The following TRIP10 variants were observed in gnomAD, a reference collection of about 807,000 sequenced individuals.
TRIP10 encodes cdc42-interacting protein 4.
A neutral mutation model predicts 80.9 loss-of-function variants in TRIP10; 54 were observed. The ratio of observed to expected loss-of-function variants is 0.67; its 90% confidence interval spans 0.54 to 0.84. TRIP10 has a LOEUF of 0.84. TRIP10 is among the 40% of genes least tolerant of loss of function. The pLI, the probability that TRIP10 is intolerant of heterozygous loss-of-function variation, is 0.00. For synonymous variants in TRIP10, 321 were observed against 307.2 expected (o/e 1.04, Z -0.47); for missense variants, 773 against 815.3 (o/e 0.95, Z 0.63).
chr19:6,749,913 A>G (rs1208314752), intron 11 of TRIP10, 21 bp from the exon 12 acceptor site: 12 of 1,611,026 alleles, frequency 7.4e-6, no homozygotes, highest in Admixed American at 6.7e-5. Context: ...TTTCCTGTCT[A>G]TCCTGTCTCC....
rs370745717 is a variant in TRIP10, at chr19:6,744,524, C to T, written c.643-30C>T. 9 of 1,613,344 alleles carry T rather than the reference C, an allele frequency of 5.6e-6. No homozygotes were observed. Among genetic ancestry groups the T allele is most frequent in the East Asian group, 4.5e-5 (2 of 44,886 alleles). ...TGCTTCTAGTCCCTCTGTTAGCACC[C>T]CTGAGCCACCCTTGTCCCTGTCCTT... On this transcript the variant is annotated intron_variant, in intron 7 of 14. Transcript: ENST00000313244. The surrounding 1 kb of genome is among the most constrained non-coding windows in gnomAD (Gnocchi z 4.9).
Position 6,749,998 on chromosome 19 carries a change from T to G in TRIP10, c.1327T>G (p.Leu443Val). Residue 443 changes from leucine (L) to valine (V), a missense_variant, in exon 12 of 15, where the codon TTG (leucine) becomes GTG (valine). Coordinates refer to ENST00000313244, the MANE Select transcript of TRIP10 (RefSeq NM_001288962.2). ...ACCTCAGATGGGGGACCCCGCCAGCTTGGAGCCCCAGATCGCTGAAACCCT... is the reference window on the plus strand; with the variant it reads ...ACCTCAGATGGGGGACCCCGCCAGCGTGGAGCCCCAGATCGCTGAAACCCT... The part of the protein sequence containing the change: ...KTPQMGDPAS[L>V]EPQIAETLSN... 1 of 1,613,870 alleles carries G rather than the reference T, an allele frequency of 6.2e-7. No individual in the cohort carries two copies. The highest frequency in any genetic ancestry group is 8.5e-7 in the Non-Finnish European group (1 of 1,179,964).
chr19:6,742,897 G>A (rs1176157136), intron 3 of TRIP10, 70 bp from the exon 4 acceptor site: 26 of 1,582,698 alleles, frequency 1.6e-5, no homozygotes, highest in South Asian at 7.0e-5. Flanking sequence ...CTGGAGGTGC[G>A]TCCTGGGGCA....
chr19:6,741,126 G>C lies in TRIP10; in HGVS notation c.140+1G>C. 6.2e-7 allele frequency: 1 copy of C among 1,614,196 alleles called. No homozygotes were observed. The highest frequency in any genetic ancestry group is 8.5e-7 in the Non-Finnish European group (1 of 1,180,010). On this transcript the variant is annotated splice_donor_variant, in intron 2 of 14. Coordinates refer to ENST00000313244, the MANE Select transcript of TRIP10 (RefSeq NM_001288962.2). LOFTEE classifies it high-confidence loss of function. ...AACAGGCTTACGCCAAACAACTGCG[G>C]TGAGACCCTGGGGTGGACGCTACGG...
At chr19:6,740,891 C>T (rs1968896499) in intron 1 of TRIP10, 119 bp from the exon 2 acceptor site, 6 of 851,258 alleles carry the variant, frequency 7.0e-6, no homozygotes, top group Admixed American at 2.7e-5. Flanking sequence ...GCCGGGAAGC[C>T]ACTCCTTCTA....
At chr19:6,741,321 A>C in intron 3 of TRIP10, 40 bp downstream of exon 3, 1 of 1,578,210 alleles carries the variant, frequency 6.3e-7, no homozygotes, top group Middle Eastern at 1.8e-4. Flanking sequence ...ATTTGTGGGG[A>C]AAGGCGGTGC....
Position 6,750,368 on chromosome 19 carries a change from A to AC in TRIP10, c.1479dup (p.Ala494ArgfsTer2), listed in dbSNP as rs762545513. The AC allele has an allele frequency of 9.3e-6, 15 of 1,613,380 alleles. No individual in the cohort carries two copies. Among genetic ancestry groups the AC allele is most frequent in the South Asian group, 1.1e-5 (1 of 91,028 alleles). On this transcript the variant is annotated frameshift_variant, in exon 13 of 15. Transcript: ENST00000313244. LOFTEE classifies it high-confidence loss of function. ...CTGAGCCGGCACGCCCGGCCTCCCG[A>AC]CCCCCCCGCTAGCGCCCCGCCAGAC...
intron 1 of TRIP10, 41 bp from the exon 2 acceptor site, chr19:6,740,969 C>A: frequency 6.3e-7 from 1 of 1,576,898 alleles, no homozygotes; most frequent in South Asian, 1.1e-5. Context: ...AATCGTGACC[C>A]CGGCCCCTCT....
At chr19:6,751,031 C>T (rs1599571659) in intron 14 of TRIP10, 32 bp from the exon 15 acceptor site, 2 of 1,494,400 alleles carry the variant, frequency 1.3e-6, no homozygotes, top group Non-Finnish European at 1.8e-6. Context: ...TTGCCTAAAG[C>T]AGATCTGGGC....
At chr19:6,742,116 G>T (rs1968933307) in intron 3 of TRIP10, among the ~76,000 whole-genome samples, 1 of 152,060 alleles carries the variant, frequency 6.6e-6, no homozygotes, top group African/African-American at 2.4e-5. Flanking sequence ...ATAGGGTTGG[G>T]CACAGTGGCT....
In TRIP10 at chr19:6,743,140, T is replaced by C. The variant is rs774338386; in HGVS notation, c.345+26T>C. The C allele has an allele frequency of 7.4e-6, 12 of 1,614,088 alleles. No individual in the cohort carries two copies. The South Asian group carries it at 1.3e-4, about 18-fold the overall frequency. ...GTGAGGAGCCCCCCGATTCAGGTTT[T>C]ACAAAGGGCTTCTGCTGGAACCCTG... On this transcript the variant is annotated intron_variant, in intron 4 of 14. Coordinates refer to ENST00000313244, the MANE Select transcript of TRIP10 (RefSeq NM_001288962.2).
rs182037684 is a variant in TRIP10, at chr19:6,744,086, G to T, written c.642+250G>T. Among the ~76,000 whole-genome samples the T allele has an allele frequency of 1.7e-3, 258 of 148,748 alleles. 4 individuals are homozygous for T. The South Asian group carries it at 0.023, about 13-fold the overall frequency. ...TCTGTCACCCGGGCAGGAGTGCAGT[G>T]GCATAATCACAGCTCACTGCAGCCT... On this transcript the variant is annotated intron_variant, in intron 7 of 14. Coordinates refer to ENST00000313244, the MANE Select transcript of TRIP10 (RefSeq NM_001288962.2). The surrounding 1 kb of genome is among the most constrained non-coding windows in gnomAD (Gnocchi z 4.9).
intron 14 of TRIP10, 164 bp from the exon 15 acceptor site, chr19:6,750,899 G>A: frequency 8.2e-7 from 1 of 1,213,740 alleles, no homozygotes; most frequent in Non-Finnish European, 1.1e-6. Context: ...GGGAGGCTGA[G>A]GCAGGAGAAT....
intron 1 of TRIP10, among the ~76,000 whole-genome samples, chr19:6,740,463 C>T (rs183935072): frequency 6.6e-6 from 1 of 152,322 alleles, no homozygotes; most frequent in African/African-American, 2.4e-5. Context: ...CTTAGTGCAG[C>T]GGGGGTAACC....
rs1969147711 is a variant in TRIP10, at chr19:6,746,772, C to T, written c.1262+211C>T. Reference sequence around the variant, plus strand: ...GGTTCAAGCAATTCTTGTGCCTCAGCCTGCCGATTAGCTAGGACCACAGGC... The same window carrying T: ...GGTTCAAGCAATTCTTGTGCCTCAGTCTGCCGATTAGCTAGGACCACAGGC... On this transcript the variant is annotated intron_variant, in intron 11 of 14. Coordinates refer to ENST00000313244, the MANE Select transcript of TRIP10 (RefSeq NM_001288962.2). This position sits in a 1 kb window ranked among gnomAD's most constrained non-coding sequence, Gnocchi z 6.2. Among the ~76,000 whole-genome samples the T allele has an allele frequency of 6.6e-6, 1 of 152,122 alleles. No homozygotes were observed. Among genetic ancestry groups the T allele is most frequent in the Non-Finnish European group, 1.5e-5 (1 of 68,034 alleles).
In TRIP10 at chr19:6,745,326, T is replaced by C; in HGVS notation, c.984+332T>C. On this transcript the variant is annotated intron_variant, in intron 9 of 14. Transcript: ENST00000313244. The surrounding 1 kb of genome is among the most constrained non-coding windows in gnomAD (Gnocchi z 7.2). ...GGGACTCCCCGAGTTTCTCTCTCCA[T>C]CCTGCTGATGGGACTCTGGGAGCCG... 2.8e-6 allele frequency: 1 copy of C among 358,684 alleles called. No homozygotes were observed. Among genetic ancestry groups the C allele is most frequent in the Non-Finnish European group, 5.0e-6 (1 of 200,458 alleles). 22.2% of individuals were successfully genotyped at this position (358,684 alleles called of 1,614,324 possible).
intron 1 of TRIP10, chr19:6,740,761 G>A (rs1968890441): frequency 1.9e-6 from 1 of 518,140 alleles, no homozygotes; most frequent in Non-Finnish European, 3.5e-6. Flanking sequence ...GTCCTATGTC[G>A]GAGACCTCCA....
rs746858494 is a variant in TRIP10 at position 6,751,115 on chromosome 19, G to A, written c.1710G>A (p.Met570Ile). ...SMAEGEDLSL[M>I]EEDKGDGWTR... ...CCGAGGGTGAAGACCTCAGTCTTAT[G>A]GAAGAAGACAAAGGGGACGGCTGGA... Residue 570 changes from methionine (M) to isoleucine (I), a missense_variant, in exon 15 of 15, where the codon ATG (methionine) becomes ATA (isoleucine). By Grantham distance (10) the Met-to-Ile change is conservative. Transcript: ENST00000313244. The A allele has an allele frequency of 2.4e-5, 38 of 1,604,906 alleles. 1 individual carries two copies. In the South Asian group the frequency reaches 4.2e-4, roughly 18 times the overall value.
Position 6,744,165 on chromosome 19 carries a change from T to A in TRIP10, c.642+329T>A, listed in dbSNP as rs542166068. On this transcript the variant is annotated intron_variant, in intron 7 of 14. Coordinates refer to ENST00000313244, the MANE Select transcript of TRIP10 (RefSeq NM_001288962.2). This position sits in a 1 kb window ranked among gnomAD's most constrained non-coding sequence, Gnocchi z 4.9. ...TTCTTTTTGAAATTCCTACTTATTCTTCTAAGCTCCACCTCTAACAACCCC... is the reference window on the plus strand; with the variant it reads ...TTCTTTTTGAAATTCCTACTTATTCATCTAAGCTCCACCTCTAACAACCCC... 6.6e-6 allele frequency among the ~76,000 whole-genome samples: 1 copy of A among 152,288 alleles called. No homozygotes were observed. Among genetic ancestry groups the A allele is most frequent in the East Asian group, 1.9e-4 (1 of 5,186 alleles).
Sources: allele counts gnomAD v4.1 joint callset (sites outside exome capture counted in the v4.1 genomes callset), GRCh38; gene constraint gnomAD v4.1.1; non-coding constraint Gnocchi (gnomAD v3.1); transcripts MANE v1.5; gene names NCBI Gene and HGNC (gene_info 2026-07-23, HGNC 2026-07-21).